Variants in GABBR2 observed in about 807,000 individuals in gnomAD.
GABBR2 encodes gamma-aminobutyric acid type B receptor subunit 2.
GABBR2 carries 23 observed loss-of-function variants against 105.6 expected under a neutral mutation model. The observed-to-expected ratio is 0.22, with a 90% CI of 0.16 to 0.31. The LOEUF is 0.31. Among genes scored for constraint, GABBR2 ranks in the 10% least tolerant of loss-of-function variants. GABBR2 has a pLI of 1.00. For synonymous variants in GABBR2, 478 were observed against 499.7 expected, an observed-to-expected ratio of 0.96 and a Z score of 0.58; for missense variants, 734 against 1,245.5, an observed-to-expected ratio of 0.59 and a Z score of 6.18.
chr9:98,530,740 C>T (rs1161386734), intron 3 of GABBR2, among the ~76,000 whole-genome samples: 1 of 152,116 alleles, frequency 6.6e-6, no homozygotes, highest in Non-Finnish European at 1.5e-5. Flanking sequence ...GCTACGACTG[C>T]ACCACTGTAC....
At chr9:98,648,080 G>GGTGTGGGTGTGTGGGT (rs367677621) in intron 1 of GABBR2, among the ~76,000 whole-genome samples, 1 of 67,978 alleles carries the variant, frequency 1.5e-5, no homozygotes, top group East Asian at 3.8e-4. Context: ...AATCATACAG[G>GGTGTGGGTGTGTGGGT]GTGTGTGTGT....
rs114509336 is a variant in GABBR2, at chr9:98,499,177, G to A, written c.631-2663C>T. ...TGGAGTGATCATTCCCAGGCAAATG[G>A]CAAGGCATCAAGGCTGCAGTAGCTT... On this transcript the variant is annotated intron_variant, in intron 3 of 18. Transcript: ENST00000259455. 3.8e-3 allele frequency among the ~76,000 whole-genome samples: 574 copies of A among 152,342 alleles called. 2 individuals carry two copies. The highest frequency in any genetic ancestry group is 0.013 in the African/African-American group (545 of 41,578).
intron 1 of GABBR2, among the ~76,000 whole-genome samples, chr9:98,654,890 T>C (rs1277194286): frequency 1.3e-5 from 2 of 152,134 alleles, no homozygotes; most frequent in Admixed American, 1.3e-4. Flanking sequence ...CCATGGTACA[T>C]CCAGACAGTA....
rs143325574 is a variant in GABBR2, at chr9:98,485,327, C to T, written c.733-4330G>A. Among the ~76,000 whole-genome samples the T allele has an allele frequency of 2.2e-4, 34 of 152,202 alleles. No individual in the cohort carries two copies. The East Asian group carries it at 6.0e-3, about 27-fold the overall frequency. The stretch of plus-strand genomic sequence containing the variant: ...GGGAGGGGTATTCAGCCCAAACCCC[C>T]AACAGTGACAGGATGAGTGAGGGAG... On this transcript the variant is annotated intron_variant, in intron 4 of 18. Transcript: ENST00000259455.
At chr9:98,505,447 T>TGTGTGTGTGTGTGC (rs1827490478) in intron 3 of GABBR2, among the ~76,000 whole-genome samples, 2 of 151,742 alleles carry the variant, frequency 1.3e-5, no homozygotes, top group Non-Finnish European at 2.9e-5. Context: ...TGTGTGTGTG[T>TGTGTGTGTGTGTGC]GTGTGTGTGT....
intron 13 of GABBR2, among the ~76,000 whole-genome samples, chr9:98,318,534 A>AC (rs1183499182): frequency 6.6e-6 from 1 of 152,122 alleles, no homozygotes; most frequent in Non-Finnish European, 1.5e-5. Flanking sequence ...GGGCGAGGCA[A>AC]CAGGCCCAGG....
intron 13 of GABBR2, among the ~76,000 whole-genome samples, chr9:98,356,221 T>C (rs1047527894): frequency 4.6e-5 from 7 of 152,170 alleles, no homozygotes; most frequent in African/African-American, 1.7e-4. Context: ...ACTCCTGCTC[T>C]GAAAAAGACA....
intron 12 of GABBR2, among the ~76,000 whole-genome samples, chr9:98,371,079 G>A (rs997885807): frequency 7.9e-5 from 12 of 151,886 alleles, no homozygotes; most frequent in East Asian, 1.9e-4. Flanking sequence ...AGCCTCTCTC[G>A]GCCCCTGACC....
intron 4 of GABBR2, among the ~76,000 whole-genome samples, chr9:98,487,834 G>A (rs568023927): frequency 2.0e-5 from 3 of 152,206 alleles, no homozygotes; most frequent in South Asian, 4.2e-4. Flanking sequence ...CTGTGAGTAC[G>A]TTATGTCACG....
chr9:98,593,719 A>T, intron 1 of GABBR2, among the ~76,000 whole-genome samples: 1 of 152,158 alleles, frequency 6.6e-6, no homozygotes, highest in East Asian at 1.9e-4. Flanking sequence ...CTATCCCGAC[A>T]GCTCCCCCAT....
At chr9:98,383,590 C>A (rs1160804628) in intron 11 of GABBR2, among the ~76,000 whole-genome samples, 1 of 152,134 alleles carries the variant, frequency 6.6e-6, no homozygotes, top group Admixed American at 6.5e-5. Flanking sequence ...ACCTCACTAC[C>A]CCCTCAGTTA....
chr9:98,536,353 C>T (rs1018190487), intron 3 of GABBR2, among the ~76,000 whole-genome samples: 1 of 152,130 alleles, frequency 6.6e-6, no homozygotes, highest in African/African-American at 2.4e-5. Context: ...GACCCAGAGA[C>T]AGCAAGTGAT....
At chr9:98,667,537 AG>A (rs1201900255) in intron 1 of GABBR2, among the ~76,000 whole-genome samples, 6 of 152,158 alleles carry the variant, frequency 3.9e-5, no homozygotes, top group Admixed American at 6.5e-5. Context: ...ACATAGGGGT[AG>A]GAAGACCCAA....
At chr9:98,339,551 C>G (rs980688451) in intron 13 of GABBR2, among the ~76,000 whole-genome samples, 1 of 152,054 alleles carries the variant, frequency 6.6e-6, no homozygotes, top group East Asian at 1.9e-4. Flanking sequence ...TGGTGTGGAC[C>G]CCAGTCACAG....
chr9:98,332,857 G>A (rs1358578482), intron 13 of GABBR2, among the ~76,000 whole-genome samples: 1 of 152,210 alleles, frequency 6.6e-6, no homozygotes, highest in African/African-American at 2.4e-5. Context: ...CGAGTCTTCT[G>A]TGTCTGAATC....
At chr9:98,552,229 C>G (rs62576022) in intron 2 of GABBR2, 21,970 of 152,106 alleles carry the variant, frequency 0.14, 1,830 homozygotes, top group Non-Finnish European at 0.19. Context: ...CAGGGGGGAC[C>G]ACAGTTGCTA....
intron 1 of GABBR2, among the ~76,000 whole-genome samples, chr9:98,683,147 G>T (rs768551703): frequency 1.4e-4 from 21 of 151,800 alleles, no homozygotes; most frequent in Non-Finnish European, 2.1e-4. Context: ...AGGCTAGAGT[G>T]CAATGGCGCG....
At chr9:98,529,406 T>C (rs2779586) in intron 3 of GABBR2, among the ~76,000 whole-genome samples, 146,400 of 152,326 alleles carry the variant, frequency 0.96, 70,402 homozygotes, top group African/African-American at 0.98. Flanking sequence ...GAAAACATTC[T>C]CCCTGCATTG....
At chr9:98,680,825 A>G (rs1830536087) in intron 1 of GABBR2, among the ~76,000 whole-genome samples, 3 of 152,214 alleles carry the variant, frequency 2.0e-5, no homozygotes, top group African/African-American at 7.2e-5. Context: ...AGAAGTTCAG[A>G]AACAGACTAA....
Sources: gnomAD v4.1 joint callset for allele counts (sites outside exome capture counted in the v4.1 genomes callset) on GRCh38, gnomAD v4.1.1 for gene constraint, MANE v1.5 for transcripts, NCBI Gene and HGNC (gene_info 2026-07-23, HGNC 2026-07-21) for gene names.